The following MBOAT1 variants were observed in gnomAD, a reference collection of about 807,000 sequenced individuals.
MBOAT1 encodes membrane bound glycerophospholipid O-acyltransferase 1.
MBOAT1 carries 67 observed loss-of-function variants against 64.4 expected under a neutral mutation model. That is an observed-to-expected ratio of 1.04 (90% CI 0.85 to 1.27). The LOEUF (loss-of-function observed/expected upper bound fraction) is 1.27, where lower values mean the gene tolerates loss of function less well. Among genes scored for constraint, MBOAT1 ranks in the 50% most tolerant of loss-of-function variants. The probability of loss-of-function intolerance (pLI) is 0.00; values close to 1 mark genes in which losing one functional copy is unlikely to be tolerated. For missense variants in MBOAT1, 563 were observed against 604.6 expected, an observed-to-expected ratio of 0.93 and a Z score of 0.72; for synonymous variants, 229 against 218.9, an observed-to-expected ratio of 1.05 and a Z score of -0.41.
intron 9 of MBOAT1, among the ~76,000 whole-genome samples, chr6:20,116,968 A>G (rs971454079): frequency 6.6e-6 from 1 of 152,218 alleles, no homozygotes; most frequent in Admixed American, 6.5e-5. Context: ...GGGGAAAGTC[A>G]TAACACACTT....
intron 1 of MBOAT1, among the ~76,000 whole-genome samples, chr6:20,187,399 G>T (rs62397942): frequency 0.1 from 15,880 of 152,236 alleles, 1,176 homozygotes; most frequent in African/African-American, 0.21. Flanking sequence ...CACAAGCATC[G>T]AAATGGCCCC....
rs143204279 is a variant in MBOAT1 at position 20,168,646 on chromosome 6, G to A, written c.100-15877C>T. Among the ~76,000 whole-genome samples the A allele has an allele frequency of 2.8e-3, 364 of 129,244 alleles. 6 individuals are homozygous for A. Among genetic ancestry groups the A allele is most frequent in the African/African-American group, 0.011 (321 of 30,564 alleles). 84.8% of individuals were successfully genotyped at this position (129,244 alleles called of 152,430 possible). The stretch of plus-strand genomic sequence containing the variant: ...GAGAAGAGAAGAGAAGAGAAGAGAG[G>A]AGAGGAGAGGGAAAGAGAGAAAGAG... On this transcript the variant is annotated intron_variant, in intron 1 of 12. Coordinates refer to ENST00000324607, the MANE Select transcript of MBOAT1 (RefSeq NM_001080480.3).
intron 1 of MBOAT1, among the ~76,000 whole-genome samples, chr6:20,198,733 G>T (rs1272849353): frequency 1.3e-5 from 2 of 152,154 alleles, no homozygotes; most frequent in African/African-American, 4.8e-5. Flanking sequence ...TATACAAGAG[G>T]TTTTTCAGCT....
intron 3 of MBOAT1, among the ~76,000 whole-genome samples, chr6:20,150,562 CTT>C (rs537125848): frequency 3.4e-4 from 46 of 134,766 alleles, no homozygotes; most frequent in Middle Eastern, 3.4e-3. Flanking sequence ...TTTCTTTTTC[CTT>C]TTTTTTTTTT....
Position 20,131,202 on chromosome 6 carries a change from G to C in MBOAT1, c.420-3C>G. 3 of 1,613,438 alleles carry C rather than the reference G, an allele frequency of 1.9e-6. No individual in the cohort carries two copies. Among genetic ancestry groups the C allele is most frequent in the Non-Finnish European group, 2.5e-6 (3 of 1,179,430 alleles). ...TCTGAGTGACAATCATCAGAGGCCT[G>C]GAAGGAAGACAGAAAATAATCAAGA... On this transcript the variant is annotated splice_region_variant and splice_polypyrimidine_tract_variant and intron_variant, in intron 4 of 12. Transcript: ENST00000324607.
chr6:20,102,325 AG>A lies in MBOAT1; in HGVS notation c.1448del (p.Pro483LeufsTer4). On this transcript the variant is annotated frameshift_variant, in exon 13 of 13. Transcript: ENST00000324607. LOFTEE classifies it high-confidence loss of function. ...TCTTATTAATAGAGTTCAGAGTCTG[AG>A]GCCGCCTTTGCGTATGAGCTTGTGG... The part of the protein sequence containing the change: ...MKPQAHTQRR[P>X]QTLNSINKRK... 6.2e-7 allele frequency: 1 copy of A among 1,614,090 alleles called. No individual in the cohort carries two copies. The highest frequency in any genetic ancestry group is 8.5e-7 in the Non-Finnish European group (1 of 1,179,980).
Position 20,118,535 on chromosome 6 carries a change from C to T in MBOAT1, c.913G>A (p.Ala305Thr), listed in dbSNP as rs750124687. 6.2e-7 allele frequency: 1 copy of T among 1,613,044 alleles called. No homozygotes were observed. Among genetic ancestry groups the T allele is most frequent in the South Asian group, 1.1e-5 (1 of 91,058 alleles). ...CCAAAGCCAGCTGCGTTATTCACTG[C>T]ATCAGCTATGGTTTTTAAAGTAACA... The part of the protein sequence containing the change: ...KYYFAWTLAD[A>T]VNNAAGFGFS... Residue 305 changes from alanine to threonine, a missense_variant, in exon 9 of 13, where the codon GCA (alanine) becomes ACA (threonine). By Grantham distance (58) the Ala-to-Thr change is moderately conservative. Transcript: ENST00000324607.
intron 1 of MBOAT1, among the ~76,000 whole-genome samples, chr6:20,188,005 A>G (rs183077065): frequency 1.8e-4 from 28 of 152,270 alleles, no homozygotes; most frequent in Non-Finnish European, 3.4e-4. Context: ...AGAGAGAAGA[A>G]CTGTAAGAGA....
At chr6:20,194,735 C>T (rs1762906391) in intron 1 of MBOAT1, among the ~76,000 whole-genome samples, 1 of 152,216 alleles carries the variant, frequency 6.6e-6, no homozygotes, top group Admixed American at 6.5e-5. Context: ...TCACTATGCA[C>T]AGCTCACATT....
chr6:20,167,143 C>T (rs965230038), intron 1 of MBOAT1, among the ~76,000 whole-genome samples: 2 of 152,104 alleles, frequency 1.3e-5, no homozygotes, highest in African/African-American at 4.8e-5. Flanking sequence ...GCCCGAAACT[C>T]CAATACTATG....
intron 1 of MBOAT1, among the ~76,000 whole-genome samples, chr6:20,166,671 C>T (rs999997329): frequency 3.3e-5 from 5 of 152,052 alleles, no homozygotes; most frequent in African/African-American, 7.2e-5. Flanking sequence ...ATCTGCCAGG[C>T]GTGATGCTAT....
chr6:20,178,617 G>T, intron 1 of MBOAT1, among the ~76,000 whole-genome samples: 1 of 152,116 alleles, frequency 6.6e-6, no homozygotes. Flanking sequence ...AAGCATCATA[G>T]AATTCTGGGA....
At chr6:20,127,770 T>C (rs1760702279) in intron 6 of MBOAT1, among the ~76,000 whole-genome samples, 1 of 152,114 alleles carries the variant, frequency 6.6e-6, no homozygotes, top group African/African-American at 2.4e-5. Flanking sequence ...TATATTACGA[T>C]GTAATAACAA....
At chr6:20,106,121 A>G (rs1056479839) in intron 12 of MBOAT1, among the ~76,000 whole-genome samples, 1 of 152,212 alleles carries the variant, frequency 6.6e-6, no homozygotes, top group Non-Finnish European at 1.5e-5. Context: ...ATTTAGCCCA[A>G]GGGGAGGAAC....
intron 1 of MBOAT1, among the ~76,000 whole-genome samples, chr6:20,205,846 A>C (rs1763247791): frequency 6.6e-6 from 1 of 152,172 alleles, no homozygotes; most frequent in Non-Finnish European, 1.5e-5. Context: ...GAGGGACTGC[A>C]AAGCTCAGAG....
intron 1 of MBOAT1, among the ~76,000 whole-genome samples, chr6:20,188,327 C>T (rs1459204580): frequency 2.6e-5 from 4 of 152,078 alleles, no homozygotes; most frequent in Non-Finnish European, 5.9e-5. Context: ...CAAACCATAC[C>T]ATACATAGCA....
rs558385958 is a variant in MBOAT1, at chr6:20,141,059, G to T, written c.419+3161C>A. 1.6e-4 allele frequency among the ~76,000 whole-genome samples: 25 copies of T among 152,240 alleles called. No individual in the cohort carries two copies. The South Asian group carries it at 5.2e-3, about 32-fold the overall frequency. ...CATGACTCTGGGGTACAGGGAGTGGGGGGAGGGAGGGGATGGCAACCAGGG... is the reference window on the plus strand; with the variant it reads ...CATGACTCTGGGGTACAGGGAGTGGTGGGAGGGAGGGGATGGCAACCAGGG... On this transcript the variant is annotated intron_variant, in intron 4 of 12. Coordinates refer to ENST00000324607, the MANE Select transcript of MBOAT1 (RefSeq NM_001080480.3).
rs75935866 is a variant in MBOAT1 at position 20,136,753 on chromosome 6, T to C, written c.420-5554A>G. 3.4e-3 allele frequency among the ~76,000 whole-genome samples: 513 copies of C among 152,356 alleles called. 1 individual carries two copies. The highest frequency in any genetic ancestry group is 0.012 in the African/African-American group (486 of 41,594). ...GTGCACCATAACCTTTTAACACGCA[T>C]GCAAATATATTTAAATAAAATTCCA... On this transcript the variant is annotated intron_variant, in intron 4 of 12. Transcript: ENST00000324607.
At chr6:20,103,775 T>A (rs1011963347) in intron 12 of MBOAT1, among the ~76,000 whole-genome samples, 6 of 152,226 alleles carry the variant, frequency 3.9e-5, no homozygotes, top group Non-Finnish European at 1.5e-5. Context: ...AGTCCGTTTT[T>A]AAAACATTTA....
Sources: gnomAD v4.1 joint callset for allele counts (sites outside exome capture counted in the v4.1 genomes callset) on GRCh38, gnomAD v4.1.1 for gene constraint, MANE v1.5 for transcripts, NCBI Gene and HGNC (gene_info 2026-07-23, HGNC 2026-07-21) for gene names.